Variants in BANK1 observed in about 807,000 individuals in gnomAD.
BANK1 encodes the protein B-cell scaffold protein with ankyrin repeats.
In BANK1, 95 loss-of-function variants were observed where a neutral mutation model predicts 94.5. The ratio of observed to expected loss-of-function variants is 1.00; its 90% CI spans 0.85 to 1.19. The LOEUF (loss-of-function observed/expected upper bound fraction) is 1.19. Ranked by LOEUF, BANK1 falls within the 50% of genes most tolerant of loss-of-function variation. The pLI, the probability that BANK1 is intolerant of heterozygous loss-of-function variation, is 0.00. For synonymous variants in BANK1, 334 were observed against 308.4 expected (o/e 1.08, Z -0.87); for missense variants, 987 against 932.2 (o/e 1.06, Z -0.77).
chr4:102,070,671 C>T (rs1212247307), intron 13 of BANK1, among the ~76,000 whole-genome samples: 1 of 152,176 alleles, frequency 6.6e-6, no homozygotes, highest in Non-Finnish European at 1.5e-5. Flanking sequence ...GAACCATCAC[C>T]TAATGGTCGC....
At chr4:102,043,358 A>C (rs1319166906) in intron 10 of BANK1, among the ~76,000 whole-genome samples, 1 of 152,084 alleles carries the variant, frequency 6.6e-6, no homozygotes, top group Non-Finnish European at 1.5e-5. Flanking sequence ...TCTGCGGTCT[A>C]GATAGATGAT....
chr4:101,977,787 G>C (rs954026593), intron 7 of BANK1, among the ~76,000 whole-genome samples: 8 of 151,992 alleles, frequency 5.3e-5, no homozygotes, highest in Non-Finnish European at 1.2e-4. Flanking sequence ...TGTTCTTAAA[G>C]ACAAAAATGA....
chr4:101,986,857 A>ATATATGTGTATATATATG (rs1725508568), intron 7 of BANK1, among the ~76,000 whole-genome samples: 2 of 48,860 alleles, frequency 4.1e-5, no homozygotes, highest in African/African-American at 1.5e-4. Flanking sequence ...ATATATATGT[A>ATATATGTGTATATATATG]TATATATATG....
At chr4:102,044,097 T>C (rs550560767) in intron 11 of BANK1, among the ~76,000 whole-genome samples, 190 bp downstream of exon 11, 1 of 152,110 alleles carries the variant, frequency 6.6e-6, no homozygotes, top group African/African-American at 2.4e-5. Flanking sequence ...TAGTTACATA[T>C]GTATACATGT....
At chr4:101,961,852 G>C (rs1455822440) in intron 7 of BANK1, among the ~76,000 whole-genome samples, 2 of 152,080 alleles carry the variant, frequency 1.3e-5, no homozygotes, top group African/African-American at 4.8e-5. Context: ...TAAGGATGGG[G>C]AGCAAATTAC....
intron 11 of BANK1, among the ~76,000 whole-genome samples, chr4:102,058,424 T>A (rs1014253174): frequency 7.2e-5 from 11 of 151,970 alleles, no homozygotes; most frequent in African/African-American, 2.2e-4. Flanking sequence ...TTAATGAAAA[T>A]TATATTAAAT....
chr4:101,818,872 A>ATTTTTTTTTT (rs70964193), intron 1 of BANK1, among the ~76,000 whole-genome samples: 1 of 136,156 alleles, frequency 7.3e-6, no homozygotes, highest in Non-Finnish European at 1.6e-5. Context: ...AGATTACTGT[A>ATTTTTTTTTT]TTTTTTTTTT....
At chr4:101,996,162 C>T (rs924047009) in intron 7 of BANK1, among the ~76,000 whole-genome samples, 1 of 152,166 alleles carries the variant, frequency 6.6e-6, no homozygotes, top group Non-Finnish European at 1.5e-5. Flanking sequence ...CCAGTTTTCC[C>T]AACACCATTT....
chr4:101,910,929 A>G (rs1388610609), intron 6 of BANK1, among the ~76,000 whole-genome samples: 1 of 152,194 alleles, frequency 6.6e-6, no homozygotes, highest in Non-Finnish European at 1.5e-5. Context: ...CCAAGGAACA[A>G]GAAAACAGAA....
chr4:101,914,397 C>T (rs1011875965), intron 6 of BANK1, among the ~76,000 whole-genome samples: 9 of 152,008 alleles, frequency 5.9e-5, no homozygotes, highest in Non-Finnish European at 1.2e-4. Flanking sequence ...TATGGAGGAG[C>T]AAAGAAAATA....
chr4:101,928,643 A>T (rs1267395692), intron 7 of BANK1, among the ~76,000 whole-genome samples: 1 of 151,668 alleles, frequency 6.6e-6, no homozygotes, highest in African/African-American at 2.4e-5. Flanking sequence ...CTTAATGAGA[A>T]CTCTCTATTA....
intron 15 of BANK1, among the ~76,000 whole-genome samples, chr4:102,073,413 A>AT (rs1036784956): frequency 6.6e-6 from 1 of 151,988 alleles, no homozygotes; most frequent in Admixed American, 6.6e-5. Context: ...TGGAGAGGAG[A>AT]TTTTGAATAA....
intron 5 of BANK1, among the ~76,000 whole-genome samples, chr4:101,883,313 A>G (rs963505500): frequency 6.6e-6 from 1 of 152,194 alleles, no homozygotes; most frequent in Admixed American, 6.5e-5. Context: ...CAGATATACT[A>G]GCTGTTGTGA....
intron 1 of BANK1, among the ~76,000 whole-genome samples, chr4:101,804,323 GT>G (rs1477134327): frequency 6.6e-6 from 1 of 152,188 alleles, no homozygotes; most frequent in African/African-American, 2.4e-5. Context: ...GTGAGATCAA[GT>G]GTTGGGAGTA....
chr4:101,822,348 A>G (rs1300038276), intron 1 of BANK1, among the ~76,000 whole-genome samples: 1 of 151,660 alleles, frequency 6.6e-6, no homozygotes, highest in Non-Finnish European at 1.5e-5. Context: ...CTCCAGCCTT[A>G]GTGAGACCTC....
intron 7 of BANK1, among the ~76,000 whole-genome samples, chr4:101,987,606 A>G (rs1725559643): frequency 6.6e-6 from 1 of 152,156 alleles, no homozygotes; most frequent in African/African-American, 2.4e-5. Context: ...GTATCTTTGT[A>G]TGATCAGTCC....
At position 101,870,514 on chromosome 4, in the gene BANK1, C is replaced by G; in HGVS notation, c.773C>G (p.Ala258Gly). 1.2e-6 allele frequency: 2 copies of G among 1,610,958 alleles called. No individual in the cohort carries two copies. The highest frequency in any genetic ancestry group is 1.7e-6 in the Non-Finnish European group (2 of 1,178,478). The change falls in exon 5 of 17, where the codon GCT becomes GGT. Residue 258 changes from alanine (A) to glycine (G), a missense_variant. Ala to Gly is a moderately conservative substitution (Grantham distance 60, BLOSUM62 0). Coordinates refer to ENST00000322953, the MANE Select transcript of BANK1 (RefSeq NM_017935.5). ...VWCMKALEFP[A>G]GSVHVNVYCD... is the part of the protein sequence containing the mutation. ...GTTTGTTTTTCATAAGAGTTTCCTG[C>G]TGGTTCAGTCCATGTCAATGTCTAC...
rs1210719270 is a variant in BANK1 at position 101,958,342 on chromosome 4, A to G, written c.1206+40153A>G. On this transcript the variant is annotated intron_variant, in intron 7 of 16. Coordinates refer to ENST00000322953, the MANE Select transcript of BANK1 (RefSeq NM_017935.5). The stretch of plus-strand genomic sequence containing the variant: ...GTTGCTACACAGTTTTCCAAAATGG[A>G]ATAGTAAATTAAATAGCTGGGATTT... 7.9e-5 allele frequency among the ~76,000 whole-genome samples: 12 copies of G among 152,218 alleles called. No individual in the cohort carries two copies. In the East Asian group the frequency reaches 2.3e-3, roughly 29 times the overall value.
chr4:101,940,864 G>C (rs1369976881), intron 7 of BANK1, among the ~76,000 whole-genome samples: 1 of 151,690 alleles, frequency 6.6e-6, no homozygotes, highest in African/African-American at 2.4e-5. Flanking sequence ...CCACTGTAAA[G>C]ATATTCCCCC....
Sources: gnomAD v4.1 joint callset for allele counts (sites outside exome capture counted in the v4.1 genomes callset) on GRCh38, gnomAD v4.1.1 for gene constraint, MANE v1.5 for transcripts, NCBI Gene and HGNC (gene_info 2026-07-23, HGNC 2026-07-21) for gene names.